Variants in AGBL1 observed in about 807,000 individuals in gnomAD.
AGBL1 encodes the protein AGBL carboxypeptidase 1.
AGBL1 carries 130 observed loss-of-function variants against 118.9 expected under a neutral mutation model. That is an observed-to-expected ratio of 1.09 (90% CI 0.95 to 1.26). The LOEUF is 1.26. Among genes scored for constraint, AGBL1 ranks in the 50% most tolerant of loss-of-function variants. AGBL1 has a pLI of 0.00. For missense variants in AGBL1, 1,584 were observed against 1,298.1 expected, an observed-to-expected ratio of 1.22 and a Z score of -3.38; for synonymous variants, 555 against 478.9, an observed-to-expected ratio of 1.16 and a Z score of -2.08.
At chr15:86,167,819 G>A (rs1049031160) in intron 5 of AGBL1, among the ~76,000 whole-genome samples, 1 of 152,154 alleles carries the variant, frequency 6.6e-6, no homozygotes, top group African/African-American at 2.4e-5. Context: ...TGTAGGATGA[G>A]GACAGATTGA....
chr15:86,528,464 C>T (rs1383508187), intron 19 of AGBL1, among the ~76,000 whole-genome samples: 20 of 151,968 alleles, frequency 1.3e-4, no homozygotes, highest in Admixed American at 1.2e-3. Flanking sequence ...CCTACACCCA[C>T]GGAATCTCGC....
intron 21 of AGBL1, among the ~76,000 whole-genome samples, chr15:86,577,007 G>T (rs1475194499): frequency 6.6e-6 from 1 of 152,202 alleles, no homozygotes; most frequent in Non-Finnish European, 1.5e-5. Flanking sequence ...CCAGGAATAG[G>T]ATTCTGCTGA....
chr15:86,935,688 G>A (rs897099680), intron 23 of AGBL1, among the ~76,000 whole-genome samples: 14 of 152,198 alleles, frequency 9.2e-5, no homozygotes, highest in African/African-American at 2.9e-4. Context: ...GCCCACGTTA[G>A]TGTTTAGCCA....
intron 22 of AGBL1, among the ~76,000 whole-genome samples, chr15:86,769,440 A>G (rs1257477163): frequency 6.6e-6 from 1 of 152,018 alleles, no homozygotes; most frequent in Non-Finnish European, 1.5e-5. Context: ...CTGTGTAAAC[A>G]TGAGATATTC....
intron 24 of AGBL1, among the ~76,000 whole-genome samples, chr15:87,017,758 C>T (rs369643122): frequency 4.7e-4 from 71 of 152,258 alleles, no homozygotes; most frequent in African/African-American, 1.6e-3. Flanking sequence ...ATTATTGCAG[C>T]ATCTCTCCAG....
chr15:86,458,058 A>G (rs1296221945), intron 18 of AGBL1, among the ~76,000 whole-genome samples: 1 of 144,384 alleles, frequency 6.9e-6, no homozygotes, highest in Non-Finnish European at 1.5e-5. Flanking sequence ...AGCCAAATAC[A>G]CTGTCCCCGT....
At chr15:86,212,445 T>C (rs993661247) in intron 5 of AGBL1, among the ~76,000 whole-genome samples, 17 of 152,278 alleles carry the variant, frequency 1.1e-4, no homozygotes, top group East Asian at 7.7e-4. Context: ...AAAAGTTTGC[T>C]AGCTGGGAAA....
chr15:87,001,419 G>A (rs1306227434), intron 24 of AGBL1, among the ~76,000 whole-genome samples: 1 of 151,998 alleles, frequency 6.6e-6, no homozygotes, highest in Non-Finnish European at 1.5e-5. Flanking sequence ...CTTCGCTATT[G>A]TGAGTAGTGC....
At chr15:86,638,513 C>A (rs749173885) in intron 21 of AGBL1, among the ~76,000 whole-genome samples, 34 of 152,104 alleles carry the variant, frequency 2.2e-4, no homozygotes, top group Non-Finnish European at 4.1e-4. Context: ...AGCAGTTGCT[C>A]TGGTGGGGTC....
In AGBL1 at chr15:86,788,058, G is replaced by C. The variant is rs572868856; in HGVS notation, c.3158+113622G>C. Among the ~76,000 whole-genome samples, 3 of 152,248 alleles carry C rather than the reference G, an allele frequency of 2.0e-5. No homozygotes were observed. The East Asian group carries it at 5.8e-4, about 29-fold the overall frequency. Reference sequence around the variant, plus strand: ...GAAATGTACATCAACTTTTTATAAAGTAGAAGGATGAGGAAATGGGAGATG... The same window carrying C: ...GAAATGTACATCAACTTTTTATAAACTAGAAGGATGAGGAAATGGGAGATG... On this transcript the variant is annotated intron_variant, in intron 22 of 22. Transcript: ENST00000614907.
intron 5 of AGBL1, among the ~76,000 whole-genome samples, chr15:86,200,605 G>A (rs1288387108): frequency 1.8e-5 from 2 of 108,440 alleles, no homozygotes; most frequent in Middle Eastern, 8.6e-3. Flanking sequence ...AAGCAATCAT[G>A]AATCCTTTTT....
chr15:87,012,211 ACACACACACACACACACG>A (rs781199694), intron 24 of AGBL1, among the ~76,000 whole-genome samples: 1 of 123,364 alleles, frequency 8.1e-6, no homozygotes, highest in African/African-American at 4.5e-5. Context: ...ACACACACAC[ACACACACACACACACACG>A]CTTGCATATC....
intron 21 of AGBL1, among the ~76,000 whole-genome samples, chr15:86,653,302 C>T (rs370118364): frequency 6.6e-5 from 10 of 152,250 alleles, no homozygotes; most frequent in Middle Eastern, 6.8e-3. Flanking sequence ...TACACTGTGT[C>T]CTTCAGTGCC....
intron 3 of AGBL1, among the ~76,000 whole-genome samples, chr15:86,147,278 C>T (rs1436909468): frequency 1.3e-5 from 2 of 152,154 alleles, no homozygotes; most frequent in Non-Finnish European, 2.9e-5. Context: ...GTGGGTGCAG[C>T]CCATGGAGGG....
Position 86,778,934 on chromosome 15 carries a change from A to G in AGBL1, c.3158+104498A>G, listed in dbSNP as rs147815027. Among the ~76,000 whole-genome samples, 277 of 152,316 alleles carry G rather than the reference A, an allele frequency of 1.8e-3. 1 individual carries two copies. The highest frequency in any genetic ancestry group is 6.4e-3 in the African/African-American group (265 of 41,556). ...GTAAAGACAGGCGTAAGAAATTATA[A>G]AAGTATTAATTTGGGGAACTAATAA... On this transcript the variant is annotated intron_variant, in intron 22 of 22. Transcript: ENST00000614907.
chr15:86,954,557 C>CCAAA (rs2080911294), intron 23 of AGBL1, among the ~76,000 whole-genome samples: 2 of 152,080 alleles, frequency 1.3e-5, no homozygotes, highest in Non-Finnish European at 2.9e-5. Flanking sequence ...GAACAAAAGA[C>CCAAA]CAAATACCAC....
At chr15:86,522,379 A>G (rs2083200711) in intron 18 of AGBL1, among the ~76,000 whole-genome samples, 1 of 152,178 alleles carries the variant, frequency 6.6e-6, no homozygotes, top group Non-Finnish European at 1.5e-5. Flanking sequence ...GGGTGTTCTA[A>G]TGTCTACCTT....
At chr15:86,283,963 C>A (rs528314523) in intron 16 of AGBL1, among the ~76,000 whole-genome samples, 38 of 152,048 alleles carry the variant, frequency 2.5e-4, no homozygotes, top group African/African-American at 8.7e-4. Flanking sequence ...CTCTTAGCCT[C>A]GGTTTTCTCA....
intron 18 of AGBL1, among the ~76,000 whole-genome samples, chr15:86,435,410 G>A (rs994739673): frequency 3.3e-5 from 5 of 152,106 alleles, no homozygotes; most frequent in Admixed American, 6.6e-5. Context: ...TGATATTGCC[G>A]GATGAGAGTC....
Sources: allele counts gnomAD v4.1 joint callset (sites outside exome capture counted in the v4.1 genomes callset), GRCh38; gene constraint gnomAD v4.1.1; transcripts MANE v1.5; gene names NCBI Gene and HGNC (gene_info 2026-07-23, HGNC 2026-07-21).